Variants in CSMD1 observed in about 807,000 individuals in gnomAD.
CSMD1 encodes the protein CUB and Sushi multiple domains 1.
Under a neutral mutation model 417.5 loss-of-function variants are expected in CSMD1, and 213 were observed. That is an observed-to-expected ratio of 0.51 (90% CI 0.46 to 0.57). The LOEUF (loss-of-function observed/expected upper bound fraction) is 0.57. CSMD1 is among the 20% of genes least tolerant of loss of function. The pLI is 0.00. For missense variants in CSMD1, 6,923 were observed against 4,529.7 expected (o/e 1.53, Z -15.17); for synonymous variants, 2,862 against 1,736.8 (o/e 1.65, Z -16.11).
intron 5 of CSMD1, among the ~76,000 whole-genome samples, chr8:3,947,841 G>T (rs1247877175): frequency 6.6e-6 from 1 of 152,124 alleles, no homozygotes; most frequent in Non-Finnish European, 1.5e-5. Flanking sequence ...TTTGTTAACA[G>T]GGCTAACAAA....
chr8:3,062,781 C>G (rs543146499), intron 49 of CSMD1, among the ~76,000 whole-genome samples: 1 of 152,300 alleles, frequency 6.6e-6, no homozygotes, highest in East Asian at 1.9e-4. Context: ...GTGAAAGGCT[C>G]TGGCTTGGCA....
chr8:3,972,604 T>A (rs1397156305), intron 5 of CSMD1, among the ~76,000 whole-genome samples: 2 of 152,218 alleles, frequency 1.3e-5, no homozygotes. Flanking sequence ...CCTTTATTTT[T>A]AATGTACTAC....
chr8:4,177,765 T>A (rs370795098), intron 3 of CSMD1, among the ~76,000 whole-genome samples: 73 of 151,734 alleles, frequency 4.8e-4, no homozygotes, highest in Admixed American at 1.5e-3. Context: ...CCGATCCCAC[T>A]GAAATACAAA....
intron 10 of CSMD1, among the ~76,000 whole-genome samples, chr8:3,502,652 G>A (rs971499971): frequency 6.6e-6 from 1 of 152,108 alleles, no homozygotes; most frequent in South Asian, 2.1e-4. Context: ...ATGACATTTC[G>A]GAGAAGGCAG....
chr8:4,115,530 C>G (rs1479027850), intron 3 of CSMD1, among the ~76,000 whole-genome samples: 1 of 152,108 alleles, frequency 6.6e-6, no homozygotes, highest in Non-Finnish European at 1.5e-5. Context: ...AGGATTCTTT[C>G]ACTTTTGTCA....
intron 3 of CSMD1, among the ~76,000 whole-genome samples, chr8:4,153,084 T>C (rs190803064): frequency 6.6e-6 from 1 of 152,298 alleles, no homozygotes; most frequent in East Asian, 1.9e-4. Context: ...TGATTCTTTT[T>C]CAGATGTGTA....
intron 12 of CSMD1, among the ~76,000 whole-genome samples, chr8:3,411,258 G>T (rs990357134): frequency 1.3e-5 from 2 of 152,162 alleles, no homozygotes; most frequent in African/African-American, 2.4e-5. Flanking sequence ...AAGTGCATTG[G>T]TTTTACTTTT....
At chr8:4,607,938 T>G (rs1380450357) in intron 2 of CSMD1, among the ~76,000 whole-genome samples, 1 of 152,172 alleles carries the variant, frequency 6.6e-6, no homozygotes, top group Admixed American at 6.5e-5. Context: ...GAGGTCTCAC[T>G]GACATCTGGC....
intron 2 of CSMD1, among the ~76,000 whole-genome samples, chr8:4,499,473 C>T (rs775197048): frequency 3.9e-5 from 6 of 152,308 alleles, no homozygotes; most frequent in Admixed American, 2.0e-4. Context: ...TCTGAAGGTC[C>T]TGCTTGGTAA....
At chr8:4,361,880 G>T (rs547002860) in intron 3 of CSMD1, among the ~76,000 whole-genome samples, 76 of 152,160 alleles carry the variant, frequency 5.0e-4, no homozygotes, top group African/African-American at 1.7e-3. Flanking sequence ...GCTTGAACCC[G>T]GGAGGCGGAG....
chr8:3,786,679 G>C (rs747477437), intron 5 of CSMD1, among the ~76,000 whole-genome samples: 5 of 152,132 alleles, frequency 3.3e-5, no homozygotes, highest in Non-Finnish European at 5.9e-5. Flanking sequence ...AGACTTTGTG[G>C]CTTAAACGAA....
chr8:3,314,492 G>A (rs144026945), intron 23 of CSMD1, among the ~76,000 whole-genome samples: 2,674 of 152,196 alleles, frequency 0.018, 29 homozygotes, highest in Non-Finnish European at 0.029. Context: ...TTATGCTCTA[G>A]AAACTTTAAA....
chr8:3,918,519 C>T (rs1344519853), intron 5 of CSMD1, among the ~76,000 whole-genome samples: 4 of 152,028 alleles, frequency 2.6e-5, no homozygotes, highest in Non-Finnish European at 5.9e-5. Flanking sequence ...GGGTTATTTG[C>T]CCATTTTTAA....
At chr8:4,633,566 G>C (rs1248138230) in intron 2 of CSMD1, among the ~76,000 whole-genome samples, 1 of 145,370 alleles carries the variant, frequency 6.9e-6, no homozygotes, top group African/African-American at 2.6e-5. Context: ...TTTTTCTTTT[G>C]TTTTGTTTGA....
At chr8:4,192,256 AATTAG>A (rs1210441563) in intron 3 of CSMD1, among the ~76,000 whole-genome samples, 1 of 152,214 alleles carries the variant, frequency 6.6e-6, no homozygotes, top group Non-Finnish European at 1.5e-5. Context: ...TAGGATTATA[AATTAG>A]ATGACTGTCT....
chr8:3,681,302 C>T (rs1164595718), intron 7 of CSMD1, among the ~76,000 whole-genome samples: 3 of 152,176 alleles, frequency 2.0e-5, no homozygotes, highest in Non-Finnish European at 4.4e-5. Context: ...ATCATCTCAG[C>T]ACAAAATCTC....
At chr8:4,540,638 T>C (rs1797334983) in intron 2 of CSMD1, among the ~76,000 whole-genome samples, 1 of 152,136 alleles carries the variant, frequency 6.6e-6, no homozygotes, top group Non-Finnish European at 1.5e-5. Context: ...GGGCCAGACA[T>C]GGGAGCACCT....
chr8:4,207,126 T>C (rs1233037816), intron 3 of CSMD1, among the ~76,000 whole-genome samples: 1 of 152,162 alleles, frequency 6.6e-6, no homozygotes, highest in Non-Finnish European at 1.5e-5. Context: ...GTCTTAAAAA[T>C]AGGACAGTTG....
chr8:4,014,298 G>A (rs113415107), intron 4 of CSMD1, among the ~76,000 whole-genome samples: 53 of 152,224 alleles, frequency 3.5e-4, no homozygotes, highest in African/African-American at 4.8e-4. Flanking sequence ...ATTGCGTGTC[G>A]AAGTGAACAT....
Sources: allele counts gnomAD v4.1 joint callset (sites outside exome capture counted in the v4.1 genomes callset), GRCh38; gene constraint gnomAD v4.1.1; transcripts MANE v1.5; gene names NCBI Gene and HGNC (gene_info 2026-07-23, HGNC 2026-07-21).